COX5A: variants seen among roughly 807,000 people sequenced by gnomAD.
COX5A encodes cytochrome c oxidase subunit 5A, also known as cytochrome c oxidase subunit 5A, mitochondrial.
In COX5A, 6 loss-of-function variants were observed where a neutral mutation model predicts 16.1. The ratio of observed to expected loss-of-function variants is 0.37; its 90% CI spans 0.20 to 0.73. The LOEUF (loss-of-function observed/expected upper bound fraction) is 0.73, where lower values mean the gene tolerates loss of function less well. Among genes scored for constraint, COX5A ranks in the 30% least tolerant of loss-of-function variants. COX5A has a pLI of 0.50. For missense variants in COX5A, 159 were observed against 194.9 expected (o/e 0.82, Z 1.10); for synonymous variants, 73 against 73.8 (o/e 0.99, Z 0.06).
chr15:74,921,136 G>C (rs1201793954), intron 4 of COX5A, among the ~76,000 whole-genome samples: 1 of 152,094 alleles, frequency 6.6e-6, no homozygotes. Flanking sequence ...GGCTGGGCGC[G>C]GTGGCTCACG....
chr15:74,927,947 T>A (rs906628112), intron 2 of COX5A, among the ~76,000 whole-genome samples: 1 of 152,116 alleles, frequency 6.6e-6, no homozygotes, highest in Non-Finnish European at 1.5e-5. Flanking sequence ...CAGAAAATGA[T>A]TGGGCATGAT....
intron 1 of COX5A, among the ~76,000 whole-genome samples, chr15:74,930,058 G>A (rs550276888): frequency 8.0e-5 from 12 of 150,522 alleles, no homozygotes; most frequent in African/African-American, 2.9e-4. Context: ...CAGCCTGGGC[G>A]ACAGAGCAAG....
At chr15:74,931,336 AC>A (rs1255837930) in intron 1 of COX5A, among the ~76,000 whole-genome samples, 1 of 151,902 alleles carries the variant, frequency 6.6e-6, no homozygotes, top group African/African-American at 2.4e-5. Context: ...CTCCGTCTCT[AC>A]TAAAAATACA....
intron 4 of COX5A, among the ~76,000 whole-genome samples, chr15:74,921,174 G>A (rs1293105455): frequency 1.3e-5 from 2 of 151,742 alleles, no homozygotes; most frequent in East Asian, 1.9e-4. Context: ...TTGGGAGGCC[G>A]AGGCAGGCAG....
rs200291956 is a variant in COX5A, at chr15:74,931,553, A to AT, written c.101-2322dup. On this transcript the variant is annotated intron_variant, in intron 1 of 4. Coordinates refer to ENST00000322347, the MANE Select transcript of COX5A (RefSeq NM_004255.4). ...AGAGTACTGTATGAAAAGCATTTCC[A>AT]TTTTTTTTTTTTTTTTTTGAGATCG... 4.8e-3 allele frequency among the ~76,000 whole-genome samples: 659 copies of AT among 138,446 alleles called. 2 individuals carry two copies. Among genetic ancestry groups the AT allele is most frequent in the Non-Finnish European group, 6.0e-3 (386 of 64,030 alleles). 90.8% of individuals were successfully genotyped at this position (138,446 alleles called of 152,430 possible).
At chr15:74,936,719 C>T (rs1430311093) in intron 1 of COX5A, among the ~76,000 whole-genome samples, 1 of 149,706 alleles carries the variant, frequency 6.7e-6, no homozygotes, top group Non-Finnish European at 1.5e-5. Flanking sequence ...CTCCGCCTCT[C>T]AGGTTCAAGC....
Position 74,926,828 on chromosome 15 carries a change from A to G in COX5A, c.277T>C (p.Leu93=). The change falls in exon 3 of 5, where the codon TTG becomes CTG. Residue 93 remains leucine, a synonymous_variant. Coordinates refer to ENST00000322347, the MANE Select transcript of COX5A (RefSeq NM_004255.4). Reference sequence around the variant, plus strand: ...TCATTTAACCGTCTGCATGCCCGCAAAGCAGCATCAATGATTTTGGGCTCT... The same window carrying G: ...TCATTTAACCGTCTGCATGCCCGCAGAGCAGCATCAATGATTTTGGGCTCT... The part of the protein sequence containing the change: ...VPEPKIIDAA[L]RACRRLNDFA... 9.9e-6 allele frequency: 16 copies of G among 1,614,046 alleles called. No individual in the cohort carries two copies. The highest frequency in any genetic ancestry group is 1.4e-5 in the Non-Finnish European group (16 of 1,179,946).
At position 74,926,674 on chromosome 15, in the gene COX5A, A is replaced by G. The variant is rs2065346055; in HGVS notation, c.339+92T>C. On this transcript the variant is annotated intron_variant, in intron 3 of 4. Coordinates refer to ENST00000322347, the MANE Select transcript of COX5A (RefSeq NM_004255.4). ...AGTTATATAAGGACTCATTTTAGGC[A>G]TTTTAACAAATTCAAAAATACAGAA... 5.1e-6 allele frequency: 7 copies of G among 1,374,706 alleles called. No individual in the cohort carries two copies. In the Admixed American group the frequency reaches 1.6e-4, roughly 31 times the overall value. The allele number at this position is 1,374,706 out of a possible 1,614,324, so 85.2% of individuals were successfully genotyped here. A position where few individuals can be genotyped will look rare whatever the true frequency, so the allele number is the denominator to read the frequency against.
chr15:74,929,937 G>C (rs1034582602), intron 1 of COX5A, among the ~76,000 whole-genome samples: 1 of 151,764 alleles, frequency 6.6e-6, no homozygotes, highest in Non-Finnish European at 1.5e-5. Context: ...AAATTAGCCA[G>C]GTGTGGTGGC....
At chr15:74,922,421 A>G (rs887678100) in intron 4 of COX5A, among the ~76,000 whole-genome samples, 1 of 152,130 alleles carries the variant, frequency 6.6e-6, no homozygotes, top group African/African-American at 2.4e-5. Context: ...TAGATTACAA[A>G]GTTTTCAGCA....
intron 4 of COX5A, 133 bp downstream of exon 4, chr15:74,923,515 C>A: frequency 1.9e-6 from 1 of 524,298 alleles, no homozygotes; most frequent in East Asian, 3.1e-5. Flanking sequence ...CTGGTATTCT[C>A]AAAATCTCTT....
Position 74,929,115 on chromosome 15 carries a change from C to G in COX5A, c.217+1G>C. 1 of 1,596,328 alleles carries G rather than the reference C, an allele frequency of 6.3e-7. No homozygotes were observed. The highest frequency in any genetic ancestry group is 8.6e-7 in the Non-Finnish European group (1 of 1,163,858). ...GACAAATATGTTTATGTTCCAATTA[C>G]CTTTACGCAATTCCCAGGCATCTAT... On this transcript the variant is annotated splice_donor_variant, in intron 2 of 4. Transcript: ENST00000322347. LOFTEE classifies it high-confidence loss of function.
At chr15:74,927,835 TA>T (rs2065350764) in intron 2 of COX5A, among the ~76,000 whole-genome samples, 1 of 152,064 alleles carries the variant, frequency 6.6e-6, no homozygotes, top group Admixed American at 6.6e-5. Context: ...GAAAACAGCC[TA>T]AAAACAGCCA....
intron 3 of COX5A, among the ~76,000 whole-genome samples, chr15:74,926,503 A>G (rs1264554089): frequency 1.3e-5 from 2 of 151,856 alleles, no homozygotes; most frequent in East Asian, 3.9e-4. Flanking sequence ...AAGAAAGAAA[A>G]AAAAAAAAGA....
chr15:74,926,770 A>G lies in COX5A; in HGVS notation c.335T>C (p.Val112Ala). 2 of 1,609,412 alleles carry G rather than the reference A, an allele frequency of 1.2e-6. No individual in the cohort carries two copies. The highest frequency in any genetic ancestry group is 1.7e-6 in the Non-Finnish European group (2 of 1,178,264). Residue 112 changes from valine (V) to alanine (A), a missense_variant, in exon 3 of 5, where the codon GTT becomes GCT. Transcript: ENST00000322347. ...TAGCATTATTATTTCACTGACCTTA[A>G]CAACCTCTAGGATACGAACTGTACT... The part of the protein sequence containing the change: ...FASTVRILEV[V>A]KDKAGPHKEI...
At chr15:74,923,553 G>C (rs931496606) in intron 4 of COX5A, 95 bp downstream of exon 4, 2 of 620,304 alleles carry the variant, frequency 3.2e-6, no homozygotes, top group Non-Finnish European at 2.8e-6. Flanking sequence ...CCTCTAACAA[G>C]AACACTGAAA....
intron 3 of COX5A, among the ~76,000 whole-genome samples, chr15:74,925,880 TTA>T (rs2065340922): frequency 6.6e-6 from 1 of 151,642 alleles, no homozygotes; most frequent in Non-Finnish European, 1.5e-5. Flanking sequence ...CTTTTTTTTT[TTA>T]GAGACGGAGT....
intron 3 of COX5A, among the ~76,000 whole-genome samples, chr15:74,924,064 C>T (rs1417365164): frequency 6.6e-6 from 1 of 151,934 alleles, no homozygotes; most frequent in East Asian, 1.9e-4. Context: ...CCTGTAATCT[C>T]AGCTACTCGG....
Position 74,920,110 on chromosome 15 carries a change from C to A in COX5A, c.*342G>T. ...TGACTTCTAGCCTTCAGCTAATTTA[C>A]AAGCTAGGGCACCCAAACATATTAA... On this transcript the variant is annotated 3_prime_UTR_variant, in exon 5 of 5. Transcript: ENST00000322347. The A allele has an allele frequency of 2.2e-6, 1 of 450,000 alleles. No individual in the cohort carries two copies. Among genetic ancestry groups the A allele is most frequent in the Non-Finnish European group, 3.8e-6 (1 of 259,844 alleles). 27.9% of individuals were successfully genotyped at this position (450,000 alleles called of 1,614,324 possible).
Sources: allele counts gnomAD v4.1 joint callset (sites outside exome capture counted in the v4.1 genomes callset), GRCh38; gene constraint gnomAD v4.1.1; transcripts MANE v1.5; gene names NCBI Gene and HGNC (gene_info 2026-07-23, HGNC 2026-07-21).